NEBL: variants seen among roughly 807,000 people sequenced by gnomAD.
NEBL encodes the protein LIM and SH3 protein 2.
Under a neutral mutation model 140.2 loss-of-function variants are expected in NEBL, and 122 were observed. The ratio of observed to expected loss-of-function variants is 0.87; its 90% CI spans 0.75 to 1.01. The LOEUF (loss-of-function observed/expected upper bound fraction) is 1.01, where lower values mean the gene tolerates loss of function less well. NEBL is among the 50% of genes least tolerant of loss of function. NEBL has a pLI of 0.00. For synonymous variants in NEBL, 436 were observed against 398.9 expected (o/e 1.09, Z -1.11); for missense variants, 1,365 against 1,231.3 (o/e 1.11, Z -1.62).
intron 4 of NEBL, among the ~76,000 whole-genome samples, chr10:20,912,346 G>A (rs1311301007): frequency 6.6e-6 from 1 of 152,186 alleles, no homozygotes; most frequent in Admixed American, 6.5e-5. Context: ...AGCTACTCCA[G>A]GAGGCCGAAG....
At chr10:20,947,901 C>G (rs542818427) in intron 4 of NEBL, among the ~76,000 whole-genome samples, 44 of 152,354 alleles carry the variant, frequency 2.9e-4, no homozygotes, top group African/African-American at 9.4e-4. Context: ...TTCAGGTTAT[C>G]TGTATGTCTT....
At chr10:20,849,542 C>T (rs1338165753) in intron 11 of NEBL, among the ~76,000 whole-genome samples, 1 of 152,048 alleles carries the variant, frequency 6.6e-6, no homozygotes, top group African/African-American at 2.4e-5. Flanking sequence ...GGGTTGGGTT[C>T]CTGATAAAAG....
intron 3 of NEBL, among the ~76,000 whole-genome samples, chr10:21,196,963 AT>A (rs146367045): frequency 1.1e-4 from 17 of 152,128 alleles, no homozygotes; most frequent in Middle Eastern, 3.4e-3. Flanking sequence ...TGAAGTGCGA[AT>A]TTTTTTTCTC....
intron 3 of NEBL, among the ~76,000 whole-genome samples, chr10:21,000,512 A>G (rs1287884744): frequency 1.3e-5 from 2 of 152,098 alleles, no homozygotes; most frequent in Non-Finnish European, 2.9e-5. Context: ...GAGGTCTCTA[A>G]AGAGAGAGAA....
At chr10:20,852,811 A>C (rs1842682067) in intron 9 of NEBL, among the ~76,000 whole-genome samples, 162 bp from the exon 10 acceptor site, 1 of 152,142 alleles carries the variant, frequency 6.6e-6, no homozygotes, top group Non-Finnish European at 1.5e-5. Context: ...TCTGACACTG[A>C]GATACACAGA....
intron 2 of NEBL, among the ~76,000 whole-genome samples, chr10:21,035,771 C>A (rs1833990613): frequency 6.6e-6 from 1 of 152,210 alleles, no homozygotes; most frequent in Middle Eastern, 3.4e-3. Flanking sequence ...AAATGGCAAA[C>A]CTCCCACCCA....
Position 21,190,732 on chromosome 10 carries a change from C to G in NEBL, n.349-18255G>C, listed in dbSNP as rs368236729. 2.6e-5 allele frequency among the ~76,000 whole-genome samples: 4 copies of G among 152,314 alleles called. No individual in the cohort carries two copies. The East Asian group carries it at 7.7e-4, about 29-fold the overall frequency. ...AATACAAGATCTAGAGATCCAAACT[C>G]TTCCTGATATTGAAATGTCCTTGTA... On this transcript the variant is annotated intron_variant and non_coding_transcript_variant, in intron 3 of 8. Coordinates refer to the NEBL transcript ENST00000675702.
At chr10:21,241,281 T>TAAATAAATAAATAA (rs1554834608) in intron 3 of NEBL, among the ~76,000 whole-genome samples, 1 of 148,814 alleles carries the variant, frequency 6.7e-6, no homozygotes, top group African/African-American at 2.5e-5. Context: ...AATAAATAAA[T>TAAATAAATAAATAA]AAATAAAAAT....
At chr10:21,165,318 T>C (rs1840715276) in intron 2 of NEBL, among the ~76,000 whole-genome samples, 2 of 152,196 alleles carry the variant, frequency 1.3e-5, no homozygotes. Context: ...CTACGTTCAT[T>C]ACAGATCAGA....
At chr10:20,972,382 C>T (rs1020600962) in intron 3 of NEBL, among the ~76,000 whole-genome samples, 9 of 152,146 alleles carry the variant, frequency 5.9e-5, no homozygotes, top group Non-Finnish European at 8.8e-5. Flanking sequence ...AATTCTTCCA[C>T]TCTACAAAAC....
chr10:21,073,843 G>C (rs1199511252), intron 2 of NEBL, among the ~76,000 whole-genome samples: 1 of 152,094 alleles, frequency 6.6e-6, no homozygotes, highest in Non-Finnish European at 1.5e-5. Flanking sequence ...GGGAGGCCAA[G>C]ATGGGCAGAT....
At position 20,960,681 on chromosome 10, in the gene NEBL, G is replaced by A. The variant is rs142259011; in HGVS notation, c.357+991C>T. Among the ~76,000 whole-genome samples, 612 of 151,576 alleles carry A rather than the reference G, an allele frequency of 4.0e-3. 2 individuals carry two copies. The highest frequency in any genetic ancestry group is 0.014 in the African/African-American group (587 of 41,344). The stretch of plus-strand genomic sequence containing the variant: ...TATATACACATATTTATATATAAAT[G>A]CATATATAATATATACACATGTATT... On this transcript the variant is annotated intron_variant, in intron 4 of 6. Coordinates refer to the NEBL transcript ENST00000417816.
chr10:21,174,167 T>TCGC (rs1032992185), exon 1 of NEBL: 1 of 448,750 alleles, frequency 2.2e-6, no homozygotes. Context: ...CTCCCCCGCC[T>TCGC]CGCCGCCGCC....
At chr10:21,008,250 C>T (rs983377638) in intron 3 of NEBL, among the ~76,000 whole-genome samples, 2 of 152,162 alleles carry the variant, frequency 1.3e-5, no homozygotes, top group Non-Finnish European at 1.5e-5. Context: ...GTACAGTAGT[C>T]CCCTCTTATC....
At chr10:20,791,293 C>T (rs1466402161) in intron 26 of NEBL, among the ~76,000 whole-genome samples, 1 of 152,002 alleles carries the variant, frequency 6.6e-6, no homozygotes, top group Non-Finnish European at 1.5e-5. Context: ...CTATTTTCTG[C>T]TTAATGGTTA....
rs533801914 is a variant in NEBL, at chr10:20,947,797, C to T, written c.357+13875G>A. On this transcript the variant is annotated intron_variant, in intron 4 of 6. Transcript: ENST00000417816. Reference sequence around the variant, plus strand: ...TAGCAGACTGAGCACATGCTTCATGCGTAAGTGAGGTAAGGGGCACCCAAA... The same window carrying T: ...TAGCAGACTGAGCACATGCTTCATGTGTAAGTGAGGTAAGGGGCACCCAAA... Among the ~76,000 whole-genome samples, 6 of 152,078 alleles carry T rather than the reference C, an allele frequency of 3.9e-5. No individual in the cohort carries two copies. In the South Asian group the frequency reaches 6.2e-4, roughly 16 times the overall value.
Position 20,785,573 on chromosome 10 carries a change from C to T in NEBL, c.*174G>A. 2 of 715,078 alleles carry T rather than the reference C, an allele frequency of 2.8e-6. No individual in the cohort carries two copies. Among genetic ancestry groups the T allele is most frequent in the Non-Finnish European group, 4.6e-6 (2 of 432,706 alleles). The allele number at this position is 715,078 out of a possible 1,614,324, so 44.3% of individuals were successfully genotyped here. ...TTTGTAGGAATTACTGAAAATGCTGCTGTTTTCAGCCCAGAGGTCATTCCT... is the reference window on the plus strand; with the variant it reads ...TTTGTAGGAATTACTGAAAATGCTGTTGTTTTCAGCCCAGAGGTCATTCCT... On this transcript the variant is annotated 3_prime_UTR_variant, in exon 28 of 28. Coordinates refer to ENST00000377122, the MANE Select transcript of NEBL (RefSeq NM_006393.3).
intron 2 of NEBL, among the ~76,000 whole-genome samples, chr10:21,061,171 TTA>T (rs1287440355): frequency 6.6e-6 from 1 of 151,044 alleles, no homozygotes; most frequent in African/African-American, 2.4e-5. Context: ...CTTATATGTA[TTA>T]TATATATCAT....
chr10:20,888,062 C>T (rs1846682445), intron 4 of NEBL, 35 bp downstream of exon 4: 1 of 1,400,956 alleles, frequency 7.1e-7, no homozygotes, highest in Non-Finnish European at 1.0e-6. Flanking sequence ...TATGTTTTAT[C>T]TACAAAATCA....
Sources: gnomAD v4.1 joint callset for allele counts (sites outside exome capture counted in the v4.1 genomes callset) on GRCh38, gnomAD v4.1.1 for gene constraint, MANE v1.5 for transcripts, NCBI Gene and HGNC (gene_info 2026-07-23, HGNC 2026-07-21) for gene names.